Variants in RBFOX3 observed in about 807,000 individuals in gnomAD.
RBFOX3 encodes the protein RNA binding fox-1 homolog 3.
A neutral mutation model predicts 48.7 loss-of-function variants in RBFOX3; 17 were observed. That is an observed-to-expected ratio of 0.35 (90% CI 0.24 to 0.52). The LOEUF is 0.52. Among genes scored for constraint, RBFOX3 ranks in the 20% least tolerant of loss-of-function variants. RBFOX3 has a pLI of 0.94. For synonymous variants in RBFOX3, 212 were observed against 209.5 expected (o/e 1.01, Z -0.10); for missense variants, 382 against 497.5 (o/e 0.77, Z 2.21).
chr17:79,650,063 T>C, the RBFOX3 span, among the ~76,000 whole-genome samples: 1 of 152,118 alleles, frequency 6.6e-6, no homozygotes, highest in Non-Finnish European at 1.5e-5. Context: ...CATTTCAACA[T>C]GAGATTTGAG....
At chr17:79,578,588 T>A (rs1446277915) in intron 1 of RBFOX3, among the ~76,000 whole-genome samples, 1 of 152,264 alleles carries the variant, frequency 6.6e-6, no homozygotes, top group Non-Finnish European at 1.5e-5. Flanking sequence ...GCCAGGGACC[T>A]GCACATTCGT....
chr17:79,656,300 G>A, the RBFOX3 span, among the ~76,000 whole-genome samples: 9 of 152,142 alleles, frequency 5.9e-5, no homozygotes, highest in Non-Finnish European at 1.2e-4. Flanking sequence ...ATTAATGGGC[G>A]AGGCTGTGTG....
chr17:79,173,876 A>G (rs1244501844), intron 4 of RBFOX3, among the ~76,000 whole-genome samples: 1 of 139,928 alleles, frequency 7.1e-6, no homozygotes, highest in African/African-American at 2.6e-5. Flanking sequence ...CGCTGAGTAC[A>G]GAGCTTTGCA....
chr17:79,304,653 C>A (rs1190232833), intron 3 of RBFOX3, among the ~76,000 whole-genome samples: 1 of 152,140 alleles, frequency 6.6e-6, no homozygotes, highest in Non-Finnish European at 1.5e-5. Flanking sequence ...TAAAAAGATA[C>A]TGACCTGACT....
intron 1 of RBFOX3, among the ~76,000 whole-genome samples, chr17:79,577,233 C>T (rs1356091898): frequency 6.6e-6 from 1 of 152,142 alleles, no homozygotes; most frequent in Non-Finnish European, 1.5e-5. Context: ...AGATTTCCGA[C>T]AATTCTGGCT....
chr17:79,445,016 A>C (rs2071944020), intron 2 of RBFOX3, among the ~76,000 whole-genome samples: 1 of 152,008 alleles, frequency 6.6e-6, no homozygotes. Context: ...CTGTGGCCTT[A>C]TGTCTGTGTC....
chr17:79,589,229 G>C (rs1351354624), intron 1 of RBFOX3, among the ~76,000 whole-genome samples: 4 of 151,264 alleles, frequency 2.6e-5, no homozygotes, highest in East Asian at 3.9e-4. Context: ...GCAGGCTGCC[G>C]TCTGAGTCTG....
intron 1 of RBFOX3, among the ~76,000 whole-genome samples, chr17:79,509,199 G>A (rs1002534744): frequency 3.9e-5 from 6 of 152,192 alleles, no homozygotes; most frequent in Admixed American, 6.5e-5. Context: ...CTGCAGAGCC[G>A]GGACACAGCA....
intron 1 of RBFOX3, among the ~76,000 whole-genome samples, chr17:79,502,340 G>C (rs2082492565): frequency 6.6e-6 from 1 of 151,976 alleles, no homozygotes; most frequent in African/African-American, 2.4e-5. Flanking sequence ...GGGTGGTGGG[G>C]TGCCAGGGAT....
intron 4 of RBFOX3, among the ~76,000 whole-genome samples, chr17:79,119,008 T>G (rs867240465): frequency 6.4e-5 from 9 of 141,046 alleles, no homozygotes; most frequent in African/African-American, 1.0e-4. Context: ...GAAAATAAAA[T>G]AAAAAAGAAA....
intron 5 of RBFOX3, among the ~76,000 whole-genome samples, chr17:79,114,450 C>G (rs1453117550): frequency 2.6e-5 from 4 of 152,198 alleles, no homozygotes; most frequent in African/African-American, 9.6e-5. Context: ...GGGTCCAGCC[C>G]AGGAGGTGGC....
intron 1 of RBFOX3, among the ~76,000 whole-genome samples, chr17:79,575,750 C>T (rs987229578): frequency 6.6e-5 from 10 of 152,170 alleles, no homozygotes; most frequent in East Asian, 1.9e-4. Flanking sequence ...AGTCCTTGCC[C>T]GGGGCAGCCT....
chr17:79,635,604 AAAAC>A, the RBFOX3 span, among the ~76,000 whole-genome samples: 1 of 152,128 alleles, frequency 6.6e-6, no homozygotes, highest in African/African-American at 2.4e-5. Flanking sequence ...CTTCTGGCTA[AAAAC>A]AAACAACTTC....
chr17:79,413,138 AT>A (rs1014991509), intron 2 of RBFOX3, among the ~76,000 whole-genome samples: 7 of 152,250 alleles, frequency 4.6e-5, no homozygotes, highest in Admixed American at 1.3e-4. Context: ...TGCAGATGAA[AT>A]TTCTGAAATG....
At chr17:79,153,048 G>A (rs1363008193) in intron 4 of RBFOX3, among the ~76,000 whole-genome samples, 2 of 152,198 alleles carry the variant, frequency 1.3e-5, no homozygotes, top group African/African-American at 2.4e-5. Flanking sequence ...ACATCTGCCC[G>A]CTGGGGCTGC....
At position 79,364,237 on chromosome 17, in the gene RBFOX3, A is replaced by G. The variant is rs748951374; in HGVS notation, c.-174-56413T>C. Among the ~76,000 whole-genome samples, 6 of 152,214 alleles carry G rather than the reference A, an allele frequency of 3.9e-5. No individual in the cohort carries two copies. The highest frequency in any genetic ancestry group is 7.3e-5 in the Non-Finnish European group (5 of 68,040). On this transcript the variant is annotated intron_variant, in intron 2 of 14. Coordinates refer to ENST00000693108, the MANE Select transcript of RBFOX3 (RefSeq NM_001350451.2). This position sits in a 1 kb window ranked among gnomAD's most constrained non-coding sequence, Gnocchi z 5.1. ...CCCAGAGTAGGTCTGGCACAAAGTG[A>G]GCAGAGATGGTAGCCATCAGTTGAC...
At position 79,089,718 on chromosome 17, in the gene RBFOX3, C is replaced by G. The variant is rs2073559706; in HGVS notation, c.*1165G>C. 1 of 152,696 alleles carries G rather than the reference C, an allele frequency of 6.5e-6. No homozygotes were observed. Among genetic ancestry groups the G allele is most frequent in the South Asian group, 2.1e-4 (1 of 4,832 alleles). The allele number at this position is 152,696 out of a possible 1,614,324, so 9.5% of individuals were successfully genotyped here. On this transcript the variant is annotated 3_prime_UTR_variant, in exon 15 of 15. Transcript: ENST00000693108. ...TGTATTTTTTGCTGCTTCCCTACTT[C>G]AGTGCTCCCTGCCTCGCCAGGGGTT...
intron 1 of RBFOX3, among the ~76,000 whole-genome samples, chr17:79,568,798 T>C (rs945916783): frequency 1.1e-4 from 16 of 152,196 alleles, no homozygotes; most frequent in African/African-American, 2.9e-4. Flanking sequence ...ATAAGCCAGA[T>C]TCCTGTGTCC....
rs898993451 is a variant in RBFOX3, at chr17:79,391,733, C to T, written c.-174-83909G>A. Among the ~76,000 whole-genome samples, 10 of 152,108 alleles carry T rather than the reference C, an allele frequency of 6.6e-5. No homozygotes were observed. The highest frequency in any genetic ancestry group is 2.4e-4 in the African/African-American group (10 of 41,416). On this transcript the variant is annotated intron_variant, in intron 2 of 14. Transcript: ENST00000693108. This position sits in a 1 kb window ranked among gnomAD's most constrained non-coding sequence, Gnocchi z 5.0. The stretch of plus-strand genomic sequence containing the variant: ...GTGTGGGCACAGGAAAGTCTGTGTG[C>T]ACGTGTGAGTTAGGGTGGGGGGTAT...
Sources: allele counts gnomAD v4.1 joint callset (sites outside exome capture counted in the v4.1 genomes callset), GRCh38; gene constraint gnomAD v4.1.1; non-coding constraint Gnocchi (gnomAD v3.1); transcripts MANE v1.5; gene names NCBI Gene and HGNC (gene_info 2026-07-23, HGNC 2026-07-21).